STAU2: variants seen among roughly 807,000 people sequenced by gnomAD.
STAU2 encodes staufen double-stranded RNA binding protein 2.
STAU2 carries 20 observed loss-of-function variants against 65.9 expected under a neutral mutation model. That is an observed-to-expected ratio of 0.30 (90% confidence interval 0.21 to 0.44). The LOEUF is 0.44. STAU2 is among the 20% of genes least tolerant of loss of function. The pLI is 1.00. For synonymous variants in STAU2, 232 were observed against 233.9 expected, an observed-to-expected ratio of 0.99 and a Z score of 0.07; for missense variants, 558 against 683.9, an observed-to-expected ratio of 0.82 and a Z score of 2.05.
intron 13 of STAU2, chr8:73,550,398 T>C (rs1489693852): frequency 2.0e-6 from 2 of 984,820 alleles, no homozygotes; most frequent in African/African-American, 1.7e-5. Flanking sequence ...AATTAAGACA[T>C]TCTGGTAGCA....
intron 13 of STAU2, among the ~76,000 whole-genome samples, chr8:73,465,697 T>C (rs1039861613): frequency 1.3e-5 from 2 of 152,274 alleles, no homozygotes; most frequent in African/African-American, 2.4e-5. Context: ...TAACTGTGTG[T>C]GCTCACTGGC....
At chr8:73,567,086 T>C (rs1215085534) in intron 12 of STAU2, among the ~76,000 whole-genome samples, 1 of 152,160 alleles carries the variant, frequency 6.6e-6, no homozygotes, top group Non-Finnish European at 1.5e-5. Flanking sequence ...TTCTAATTGT[T>C]ATATGTTATA....
intron 12 of STAU2, among the ~76,000 whole-genome samples, chr8:73,582,495 T>C (rs1287570886): frequency 6.6e-6 from 1 of 151,684 alleles, no homozygotes; most frequent in Non-Finnish European, 1.5e-5. Context: ...TAATGTTGTT[T>C]CAATAAAAAT....
At chr8:73,556,718 C>T (rs551025752) in intron 12 of STAU2, among the ~76,000 whole-genome samples, 1 of 152,296 alleles carries the variant, frequency 6.6e-6, no homozygotes, top group South Asian at 2.1e-4. Context: ...GATCACGCCA[C>T]TGCACTACAG....
At chr8:73,440,199 T>A (rs1222665754) in intron 13 of STAU2, 4 of 152,252 alleles carry the variant, frequency 2.6e-5, no homozygotes, top group Non-Finnish European at 4.4e-5. Flanking sequence ...GGACCTCTTA[T>A]CTTCTCCATC....
chr8:73,435,189 C>T (rs1421025961), intron 13 of STAU2, among the ~76,000 whole-genome samples: 1 of 151,920 alleles, frequency 6.6e-6, no homozygotes, highest in Non-Finnish European at 1.5e-5. Context: ...AGGTGGATGT[C>T]CCTAATTTCC....
At chr8:73,743,653 A>G (rs549713665) in intron 1 of STAU2, among the ~76,000 whole-genome samples, 1 of 149,882 alleles carries the variant, frequency 6.7e-6, no homozygotes, top group African/African-American at 2.5e-5. Context: ...TTACATTTTT[A>G]GTAGAGACGG....
chr8:73,587,537 T>G (rs1223595663), intron 11 of STAU2, among the ~76,000 whole-genome samples: 1 of 152,068 alleles, frequency 6.6e-6, no homozygotes, highest in Non-Finnish European at 1.5e-5. Flanking sequence ...AGGGTGTACG[T>G]TGGGAAAGGA....
At chr8:73,736,704 A>T (rs1439688010) in intron 3 of STAU2, among the ~76,000 whole-genome samples, 1 of 152,218 alleles carries the variant, frequency 6.6e-6, no homozygotes, top group South Asian at 2.1e-4. Flanking sequence ...CATCCAAGAG[A>T]TCAAGGTGGT....
chr8:73,672,628 G>A lies in STAU2; in HGVS notation c.410+479C>T, dbSNP rs184547019. On this transcript the variant is annotated intron_variant, in intron 6 of 14. Coordinates refer to ENST00000524300, the MANE Select transcript of STAU2 (RefSeq NM_001164380.2). ...ATTTAAATGCAAAGAAAAAAAGAATGTAAAGTACATGAAAATATAAAAGGT... is the reference window on the plus strand; with the variant it reads ...ATTTAAATGCAAAGAAAAAAAGAATATAAAGTACATGAAAATATAAAAGGT... Among the ~76,000 whole-genome samples the A allele has an allele frequency of 3.3e-5, 5 of 152,128 alleles. No homozygotes were observed. In the East Asian group the frequency reaches 9.6e-4, roughly 29 times the overall value.
chr8:73,569,324 G>A (rs1368667938), intron 12 of STAU2, among the ~76,000 whole-genome samples: 1 of 152,098 alleles, frequency 6.6e-6, no homozygotes, highest in Non-Finnish European at 1.5e-5. Context: ...CTCGAACTGG[G>A]TGGAGCCCAC....
intron 12 of STAU2, among the ~76,000 whole-genome samples, chr8:73,579,186 G>A (rs184382537): frequency 6.6e-6 from 1 of 152,288 alleles, no homozygotes; most frequent in Admixed American, 6.5e-5. Context: ...ATCCTAAAGA[G>A]GTCAATAAGA....
At chr8:73,545,894 G>A (rs929785507) in intron 13 of STAU2, among the ~76,000 whole-genome samples, 7 of 151,830 alleles carry the variant, frequency 4.6e-5, no homozygotes, top group Non-Finnish European at 7.4e-5. Context: ...TGATCCGCCC[G>A]CCTTGGCCTC....
intron 5 of STAU2, among the ~76,000 whole-genome samples, chr8:73,673,722 A>G (rs1817846691): frequency 6.6e-6 from 1 of 152,164 alleles, no homozygotes; most frequent in Non-Finnish European, 1.5e-5. Context: ...AATTTTTTCT[A>G]TAACCAACAA....
intron 4 of STAU2, among the ~76,000 whole-genome samples, chr8:73,690,584 G>A (rs2130537929): frequency 6.6e-6 from 1 of 152,300 alleles, no homozygotes; most frequent in African/African-American, 2.4e-5. Context: ...AAGTATTTAA[G>A]AGTGAAGTGT....
intron 11 of STAU2, among the ~76,000 whole-genome samples, chr8:73,593,017 C>G (rs1451963887): frequency 1.3e-5 from 2 of 152,158 alleles, no homozygotes; most frequent in African/African-American, 4.8e-5. Flanking sequence ...TTCCTTTTTG[C>G]AGGTAGTCTT....
chr8:73,539,858 A>G (rs1041754126), intron 13 of STAU2, among the ~76,000 whole-genome samples: 9 of 152,016 alleles, frequency 5.9e-5, no homozygotes, highest in African/African-American at 2.2e-4. Context: ...CAAAAAAAAA[A>G]AAAAAAATTG....
At chr8:73,641,877 G>A (rs1392128239) in intron 6 of STAU2, among the ~76,000 whole-genome samples, 1 of 152,138 alleles carries the variant, frequency 6.6e-6, no homozygotes, top group Non-Finnish European at 1.5e-5. Flanking sequence ...ATTCTAAGTG[G>A]TAATTTTGTG....
At chr8:73,486,819 A>C (rs1820940829) in intron 13 of STAU2, among the ~76,000 whole-genome samples, 1 of 151,202 alleles carries the variant, frequency 6.6e-6, no homozygotes, top group Non-Finnish European at 1.5e-5. Flanking sequence ...CACCTGGATG[A>C]TTTTTTTATT....
Sources: allele counts gnomAD v4.1 joint callset (sites outside exome capture counted in the v4.1 genomes callset), GRCh38; gene constraint gnomAD v4.1.1; transcripts MANE v1.5; gene names NCBI Gene and HGNC (gene_info 2026-07-23, HGNC 2026-07-21).